Variants in SERPINB7 observed in about 807,000 individuals in gnomAD.
The protein encoded by SERPINB7 is serpin B7.
In SERPINB7, 31 loss-of-function variants were observed where a neutral mutation model predicts 37.4. That is an observed-to-expected ratio of 0.83 (90% CI 0.62 to 1.12). The LOEUF is 1.12. Among genes scored for constraint, SERPINB7 ranks in the 50% most tolerant of loss-of-function variants. SERPINB7 has a pLI of 0.00. For synonymous variants in SERPINB7, 163 were observed against 166.1 expected (o/e 0.98, Z 0.14); for missense variants, 521 against 455.3 (o/e 1.14, Z -1.31).
At chr18:63,771,794 G>A (rs143070813), upstream of SERPINB7, among the ~76,000 whole-genome samples, 2 of 151,872 alleles carry the variant, frequency 1.3e-5, no homozygotes, top group Admixed American at 6.6e-5. Context: ...GATTTTGTGG[G>A]GATATTTATG....
chr18:63,790,302 G>C (rs1293232654), intron 2 of SERPINB7, among the ~76,000 whole-genome samples: 1 of 152,044 alleles, frequency 6.6e-6, no homozygotes, highest in Non-Finnish European at 1.5e-5. Context: ...GAGCAGAGGG[G>C]GCAAGTGCTG....
In SERPINB7 at chr18:63,786,233, T is replaced by TAC. The variant is rs71162680; in HGVS notation, c.168+3705_168+3706dup. On this transcript the variant is annotated intron_variant, in intron 2 of 7. Coordinates refer to ENST00000398019, the MANE Select transcript of SERPINB7 (RefSeq NM_003784.4). ...GTGTATATATATATATATATATATA[T>TAC]ACACACACACACATCCACACATTTC... Among the ~76,000 whole-genome samples the TAC allele has an allele frequency of 8.4e-3, 643 of 76,304 alleles. 38 individuals carry two copies. Among genetic ancestry groups the TAC allele is most frequent in the African/African-American group, 0.023 (587 of 25,500 alleles). 50.1% of individuals were successfully genotyped at this position (76,304 alleles called of 152,430 possible).
At chr18:63,786,141 A>AATATAAGTATATATATATG (rs1568209443) in intron 2 of SERPINB7, among the ~76,000 whole-genome samples, 40 of 115,594 alleles carry the variant, frequency 3.5e-4, no homozygotes, top group Middle Eastern at 4.2e-3. Flanking sequence ...ATATACATAT[A>AATATAAGTATATATATATG]TACACACACA....
chr18:63,802,066 A>T (rs552796884), intron 7 of SERPINB7, among the ~76,000 whole-genome samples: 6 of 152,314 alleles, frequency 3.9e-5, no homozygotes, highest in African/African-American at 1.4e-4. Flanking sequence ...GCCTATGCCA[A>T]ATAATGACCA....
At position 63,804,719 on chromosome 18, in the gene SERPINB7, A is replaced by C; in HGVS notation, c.*84A>C. ...AATAGATTTGAGTTTAATTGGAAAA[A>C]TGTGGTGTTTCCTTTGAGTTTATTT... On this transcript the variant is annotated 3_prime_UTR_variant, in exon 8 of 8. Transcript: ENST00000398019. 1.5e-6 allele frequency: 2 copies of C among 1,374,478 alleles called. No homozygotes were observed. The highest frequency in any genetic ancestry group is 2.9e-5 in the African/African-American group (2 of 68,450). The allele number at this position is 1,374,478 out of a possible 1,614,324, so 85.1% of individuals were successfully genotyped here. A position where few individuals can be genotyped will look rare whatever the true frequency, so the allele number is the denominator to read the frequency against.
chr18:63,770,302 AAAC>A (rs551591800), intron 1 of SERPINB7, among the ~76,000 whole-genome samples: 111 of 151,510 alleles, frequency 7.3e-4, no homozygotes, highest in Non-Finnish European at 1.2e-3. Flanking sequence ...ATGTAAAGGA[AAAC>A]AACAACAACA....
chr18:63,792,460 C>CT lies in SERPINB7; in HGVS notation c.219+21dup. 6.4e-7 allele frequency: 1 copy of CT among 1,558,782 alleles called. No individual in the cohort carries two copies. The highest frequency in any genetic ancestry group is 8.8e-7 in the Non-Finnish European group (1 of 1,131,788). On this transcript the variant is annotated intron_variant, in intron 3 of 7. Transcript: ENST00000398019. ...AATAGTCAGGTAAAGACAATATGTT[C>CT]TTTTAGAAAAAGAGAAGGTGAGCCA...
chr18:63,768,000 G>A (rs2144591809), intron 1 of SERPINB7, among the ~76,000 whole-genome samples: 1 of 152,136 alleles, frequency 6.6e-6, no homozygotes, highest in African/African-American at 2.4e-5. Flanking sequence ...TATCTGTGAG[G>A]TCTGTGAAGT....
intron 1 of SERPINB7, among the ~76,000 whole-genome samples, chr18:63,761,486 G>T (rs973275593): frequency 6.6e-5 from 10 of 152,170 alleles, no homozygotes; most frequent in Admixed American, 2.6e-4. Context: ...CTGTTGGGAA[G>T]GCGTGATTGG....
chr18:63,775,152 A>G (rs1483256893), upstream of SERPINB7, among the ~76,000 whole-genome samples: 1 of 152,078 alleles, frequency 6.6e-6, no homozygotes, highest in Non-Finnish European at 1.5e-5. Context: ...ACAGAAGAGT[A>G]TGTTTTGACC....
rs574495666 is a variant in SERPINB7 at position 63,787,808 on chromosome 18, G to A, written c.169-4585G>A. Reference sequence around the variant, plus strand: ...TGAATTACTACATTCTTTTTACGAGGTACAGTCACAGTCCACATAATGACA... The same window carrying A: ...TGAATTACTACATTCTTTTTACGAGATACAGTCACAGTCCACATAATGACA... On this transcript the variant is annotated intron_variant, in intron 2 of 7. Transcript: ENST00000398019. 2.0e-5 allele frequency among the ~76,000 whole-genome samples: 3 copies of A among 152,226 alleles called. No individual in the cohort carries two copies. In the South Asian group the frequency reaches 6.2e-4, roughly 32 times the overall value.
chr18:63,793,787 C>A (rs563161230), intron 4 of SERPINB7, among the ~76,000 whole-genome samples: 2 of 152,264 alleles, frequency 1.3e-5, no homozygotes, highest in African/African-American at 4.8e-5. Flanking sequence ...AGGCATGAGC[C>A]ATCTTGCCTG....
upstream of SERPINB7, among the ~76,000 whole-genome samples, chr18:63,772,916 C>A (rs923216359): frequency 6.6e-6 from 1 of 152,088 alleles, no homozygotes; most frequent in South Asian, 2.1e-4. Context: ...TGCATAAGGA[C>A]AATATTATAT....
At chr18:63,794,646 C>T (rs2049467204) in intron 4 of SERPINB7, among the ~76,000 whole-genome samples, 1 of 151,974 alleles carries the variant, frequency 6.6e-6, no homozygotes, top group South Asian at 2.1e-4. Flanking sequence ...GCCAAGATAG[C>T]GCCACTGCAC....
At chr18:63,799,740 G>A (rs1409087557) in intron 6 of SERPINB7, among the ~76,000 whole-genome samples, 1 of 152,148 alleles carries the variant, frequency 6.6e-6, no homozygotes, top group Non-Finnish European at 1.5e-5. Context: ...TTTCATGTGT[G>A]TTCTTTCTGA....
At position 63,761,999 on chromosome 18, in the gene SERPINB7, T is replaced by C. The variant is rs372742917; in HGVS notation, c.-19+8879T>C. The stretch of plus-strand genomic sequence containing the variant: ...CATTTCTGTGGAAAACAGTTTCTAA[T>C]TCTTCTAGGACTCAGTGACGTCTAC... On this transcript the variant is annotated intron_variant, in intron 1 of 7. Transcript: ENST00000336429. Among the ~76,000 whole-genome samples the C allele has an allele frequency of 2.0e-5, 3 of 152,340 alleles. No homozygotes were observed. In the East Asian group the frequency reaches 5.8e-4, roughly 29 times the overall value.
At position 63,804,811 on chromosome 18, in the gene SERPINB7, C is replaced by A. The variant is rs1329168941; in HGVS notation, c.*176C>A. 1.6e-6 allele frequency: 1 copy of A among 609,080 alleles called. No homozygotes were observed. The highest frequency in any genetic ancestry group is 3.1e-5 in the Admixed American group (1 of 31,892). 37.7% of individuals were successfully genotyped at this position (609,080 alleles called of 1,614,324 possible). ...CTTCCTAGACACCTGGTTGATTGTC[C>A]TGATCCCTGCTCTTAGCATTCTACC... is the stretch of plus-strand genomic sequence containing the variant. On this transcript the variant is annotated 3_prime_UTR_variant, in exon 8 of 8. Transcript: ENST00000398019.
chr18:63,803,210 A>G (rs1460871273), intron 7 of SERPINB7, among the ~76,000 whole-genome samples: 1 of 152,276 alleles, frequency 6.6e-6, no homozygotes, highest in East Asian at 1.9e-4. Flanking sequence ...ATAACCAGAT[A>G]ACGATGAGGA....
chr18:63,767,899 G>A (rs990609659), intron 1 of SERPINB7, among the ~76,000 whole-genome samples: 2 of 152,052 alleles, frequency 1.3e-5, no homozygotes, highest in Admixed American at 6.6e-5. Context: ...TTGGTAGTTT[G>A]AGATTTTCCA....
Sources: allele counts gnomAD v4.1 joint callset (sites outside exome capture counted in the v4.1 genomes callset), GRCh38; gene constraint gnomAD v4.1.1; transcripts MANE v1.5; gene names NCBI Gene and HGNC (gene_info 2026-07-23, HGNC 2026-07-21).